FGFR1: variants seen among roughly 807,000 people sequenced by gnomAD.
FGFR1 encodes fibroblast growth factor receptor 1.
FGFR1 carries 18 observed loss-of-function variants against 93.7 expected under a neutral mutation model. The ratio of observed to expected loss-of-function variants is 0.19; its 90% CI spans 0.13 to 0.28. The LOEUF is 0.28. FGFR1 is among the 10% of genes least tolerant of loss of function. The pLI is 1.00. For synonymous variants in FGFR1, 448 were observed against 429.3 expected (o/e 1.04, Z -0.54); for missense variants, 731 against 1,080.4 (o/e 0.68, Z 4.53).
chr8:38,450,195 G>A (rs958970484), intron 2 of FGFR1, among the ~76,000 whole-genome samples: 1 of 152,208 alleles, frequency 6.6e-6, no homozygotes, highest in Non-Finnish European at 1.5e-5. Context: ...TATGGTGGGT[G>A]GGGAGAAGGG....
At chr8:38,436,789 G>A (rs370321322) in intron 2 of FGFR1, among the ~76,000 whole-genome samples, 1 of 152,028 alleles carries the variant, frequency 6.6e-6, no homozygotes, top group Non-Finnish European at 1.5e-5. Context: ...TCAGGAACAC[G>A]ATTAATGATA....
intron 8 of FGFR1, among the ~76,000 whole-genome samples, chr8:38,421,124 G>A (rs542812808): frequency 1.3e-5 from 2 of 152,176 alleles, no homozygotes; most frequent in Admixed American, 6.5e-5. Context: ...CCCTGGCCCC[G>A]CAGTCACCAG....
chr8:38,413,807 G>A lies in FGFR1; in HGVS notation c.2293-3C>T, dbSNP rs2150512676. ...GGCATGGACAGGTCCAGGTACTCCT[G>A]TGATGGGCGAGAGGAAGCAGCGATG... On this transcript the variant is annotated splice_polypyrimidine_tract_variant and splice_region_variant and intron_variant, in intron 17 of 17. Coordinates refer to ENST00000447712, the MANE Select transcript of FGFR1 (RefSeq NM_023110.3). The surrounding 1 kb of genome is among the most constrained non-coding windows in gnomAD (Gnocchi z 4.2). The A allele has an allele frequency of 6.2e-7, 1 of 1,614,074 alleles. No individual in the cohort carries two copies. The highest frequency in any genetic ancestry group is 1.1e-5 in the South Asian group (1 of 91,082).
rs542775622 is a variant in FGFR1 at position 38,425,534 on chromosome 8, T to C, written c.745+588A>G. Among the ~76,000 whole-genome samples, 25 of 152,256 alleles carry C rather than the reference T, an allele frequency of 1.6e-4. No homozygotes were observed. In the South Asian group the frequency reaches 5.0e-3, roughly 30 times the overall value. The stretch of plus-strand genomic sequence containing the variant: ...ATCAAGAAGAACACTGGCTGAGAGA[T>C]TCTGTACCCAATGATCTCTAGGGAG... On this transcript the variant is annotated intron_variant, in intron 6 of 17. Transcript: ENST00000447712.
At chr8:38,439,433 CCT>C (rs1826594027) in intron 2 of FGFR1, among the ~76,000 whole-genome samples, 1 of 152,194 alleles carries the variant, frequency 6.6e-6, no homozygotes, top group South Asian at 2.1e-4. Context: ...GCTGATGACC[CCT>C]GATGACCCAC....
In FGFR1 at chr8:38,468,586, C is replaced by T. The variant is rs1836017580; in HGVS notation, c.-694G>A. The T allele has an allele frequency of 4.4e-6, 1 of 229,452 alleles. No individual in the cohort carries two copies. The highest frequency in any genetic ancestry group is 8.7e-6 in the Non-Finnish European group (1 of 115,448). 14.2% of individuals were successfully genotyped at this position (229,452 alleles called of 1,614,324 possible). Reference sequence around the variant, plus strand: ...CCCGGCTCCCGCTAGCTGCCGCCCGCCGCCGAGGACGCCGCGCCTGTGGCC... The same window carrying T: ...CCCGGCTCCCGCTAGCTGCCGCCCGTCGCCGAGGACGCCGCGCCTGTGGCC... On this transcript the variant is annotated 5_prime_UTR_variant, in exon 1 of 18. Coordinates refer to ENST00000447712, the MANE Select transcript of FGFR1 (RefSeq NM_023110.3).
At chr8:38,463,247 C>T (rs1208383618) in intron 1 of FGFR1, 1 of 173,982 alleles carries the variant, frequency 5.7e-6, no homozygotes, top group African/African-American at 2.4e-5. Flanking sequence ...CTCGAAGCAA[C>T]ATCCATGCCT....
rs1240973335 is a variant in FGFR1, at chr8:38,457,360, T to C, written c.87A>G (p.Glu29=). 6.2e-7 allele frequency: 1 copy of C among 1,612,872 alleles called. No homozygotes were observed. Among genetic ancestry groups the C allele is most frequent in the Non-Finnish European group, 8.5e-7 (1 of 1,179,982 alleles). The part of the protein sequence containing the change: ...CTARPSPTLP[E]QAQPWGAPVE... ...TGCCCCCAGCCAGCACCTTACCTTGTTCAGGCAAGGTCGGGGACGGCCTAG... is the reference window on the plus strand; with the variant it reads ...TGCCCCCAGCCAGCACCTTACCTTGCTCAGGCAAGGTCGGGGACGGCCTAG... The change falls in exon 2 of 18, where the codon GAA becomes GAG. Residue 29 remains glutamate, a synonymous_variant. Coordinates refer to ENST00000447712, the MANE Select transcript of FGFR1 (RefSeq NM_023110.3).
At chr8:38,434,174 A>T (rs1824327042) in intron 2 of FGFR1, among the ~76,000 whole-genome samples, 1 of 152,240 alleles carries the variant, frequency 6.6e-6, no homozygotes, top group African/African-American at 2.4e-5. Flanking sequence ...GATATTGGGT[A>T]TAATGTTTCT....
In FGFR1 at chr8:38,426,563, T is replaced by C. The variant is rs1201505638; in HGVS notation, c.622-318A>G. ...GTTCCCAACTGTGCACCTCTCCTAT[T>C]ACACTAAGAATCCAGCCCCCACTGT... On this transcript the variant is annotated intron_variant, in intron 5 of 17. Transcript: ENST00000447712. The surrounding 1 kb of genome is among the most constrained non-coding windows in gnomAD (Gnocchi z 4.1). Among the ~76,000 whole-genome samples, 4 of 152,182 alleles carry C rather than the reference T, an allele frequency of 2.6e-5. No homozygotes were observed. The highest frequency in any genetic ancestry group is 9.6e-5 in the African/African-American group (4 of 41,458).
intron 2 of FGFR1, among the ~76,000 whole-genome samples, chr8:38,445,844 T>C (rs1829107840): frequency 6.6e-6 from 1 of 152,056 alleles, no homozygotes; most frequent in African/African-American, 2.4e-5. Flanking sequence ...TGGCCGCAAG[T>C]GACACTTCAA....
intron 2 of FGFR1, among the ~76,000 whole-genome samples, chr8:38,456,919 G>A (rs1210663710): frequency 6.6e-6 from 1 of 152,078 alleles, no homozygotes; most frequent in African/African-American, 2.4e-5. Flanking sequence ...TCTTTAGCAA[G>A]CTCTCACCTC....
rs1175535734 is a variant in FGFR1 at position 38,426,505 on chromosome 8, C to T, written c.622-260G>A. Among the ~76,000 whole-genome samples the T allele has an allele frequency of 6.6e-6, 1 of 152,202 alleles. No individual in the cohort carries two copies. Among genetic ancestry groups the T allele is most frequent in the Non-Finnish European group, 1.5e-5 (1 of 68,044 alleles). ...ATCATTCGTGATCCGGACAGATGTGCCTTCTGCAAACACTCCCAAATACAC... is the reference window on the plus strand; with the variant it reads ...ATCATTCGTGATCCGGACAGATGTGTCTTCTGCAAACACTCCCAAATACAC... On this transcript the variant is annotated intron_variant, in intron 5 of 17. Coordinates refer to ENST00000447712, the MANE Select transcript of FGFR1 (RefSeq NM_023110.3). The surrounding 1 kb of genome is among the most constrained non-coding windows in gnomAD (Gnocchi z 4.1).
In FGFR1 at chr8:38,468,162, C is replaced by T. The variant is rs578030717; in HGVS notation, c.-270G>A. On this transcript the variant is annotated 5_prime_UTR_variant, in exon 1 of 18. Transcript: ENST00000447712. Reference sequence around the variant, plus strand: ...GCGCTCGGTGCTCGGCGCCTCCAGCCCGGGCGGGAACAATGGAGCCGGAGC... The same window carrying T: ...GCGCTCGGTGCTCGGCGCCTCCAGCTCGGGCGGGAACAATGGAGCCGGAGC... 1.5e-4 allele frequency: 35 copies of T among 228,252 alleles called. No homozygotes were observed. The highest frequency in any genetic ancestry group is 1.5e-3 in the Admixed American group (26 of 17,598). 14.1% of individuals were successfully genotyped at this position (228,252 alleles called of 1,614,324 possible).
chr8:38,414,457 G>T, intron 15 of FGFR1, 102 bp downstream of exon 15: 1 of 1,544,470 alleles, frequency 6.5e-7, no homozygotes. Context: ...TTTTCTCTCT[G>T]GGGCAGAAAG....
Position 38,419,679 on chromosome 8 carries a change from AGAT to A in FGFR1, c.1135_1137del (p.Ile379del). 1 of 1,614,098 alleles carries A rather than the reference AGAT, an allele frequency of 6.2e-7. No homozygotes were observed. The highest frequency in any genetic ancestry group is 8.5e-7 in the Non-Finnish European group (1 of 1,180,014). On this transcript the variant is annotated inframe_deletion, in exon 9 of 18. Coordinates refer to ENST00000447712, the MANE Select transcript of FGFR1 (RefSeq NM_023110.3). ...GAGATGAGGAAGGCCCCTGTGCAAT[AGAT>A]GATGATCTCCAGGTACAGGGGCGAG...
chr8:38,430,998 T>G (rs546320749), intron 2 of FGFR1, among the ~76,000 whole-genome samples: 1 of 152,302 alleles, frequency 6.6e-6, no homozygotes, highest in South Asian at 2.1e-4. Flanking sequence ...TTCTATTTCC[T>G]TTTAGGATGT....
intron 1 of FGFR1, chr8:38,458,829 C>T (rs1833638221): frequency 4.5e-6 from 1 of 221,272 alleles, no homozygotes; most frequent in South Asian, 1.8e-4. Context: ...GAGAAGAAAA[C>T]CCTCACCAGC....
intron 13 of FGFR1, among the ~76,000 whole-genome samples, chr8:38,415,490 CG>C (rs1409626861): frequency 6.7e-6 from 1 of 149,652 alleles, no homozygotes; most frequent in Non-Finnish European, 1.5e-5. Flanking sequence ...TTTTTAAAGA[CG>C]GGGTTTCAAT....
Sources: gnomAD v4.1 joint callset for allele counts (sites outside exome capture counted in the v4.1 genomes callset) on GRCh38, gnomAD v4.1.1 for gene constraint, Gnocchi (gnomAD v3.1) non-coding constraint, MANE v1.5 for transcripts, NCBI Gene and HGNC (gene_info 2026-07-23, HGNC 2026-07-21) for gene names.